Variants in SLC4A10 observed in about 807,000 individuals in gnomAD.
SLC4A10 encodes sodium-driven chloride bicarbonate exchanger.
SLC4A10 carries 42 observed loss-of-function variants against 137.7 expected under a neutral mutation model. That is an observed-to-expected ratio of 0.30 (90% CI 0.24 to 0.39). The LOEUF is 0.39. SLC4A10 is among the 10% of genes least tolerant of loss of function. SLC4A10 has a pLI of 1.00. For missense variants in SLC4A10, 925 were observed against 1,355.0 expected (o/e 0.68, Z 4.98); for synonymous variants, 474 against 464.1 (o/e 1.02, Z -0.27).
chr2:161,756,103 TA>T lies in SLC4A10; in HGVS notation c.49-14869del, dbSNP rs201936863. ...AGTTTTCAAAATGTCATTTTAAAAG[TA>T]TGCTGTACCATTTGATTGAATTTTG... On this transcript the variant is annotated intron_variant, in intron 1 of 26. Coordinates refer to ENST00000446997, the MANE Select transcript of SLC4A10 (RefSeq NM_001178015.2). Among the ~76,000 whole-genome samples, 48 of 152,296 alleles carry T rather than the reference TA, an allele frequency of 3.2e-4. 2 individuals are homozygous for T. The East Asian group carries it at 9.3e-3, about 29-fold the overall frequency.
intron 1 of SLC4A10, among the ~76,000 whole-genome samples, chr2:161,765,054 G>A (rs543431236): frequency 3.4e-4 from 51 of 152,198 alleles, no homozygotes; most frequent in Non-Finnish European, 6.5e-4. Context: ...ACTTGCAAGT[G>A]AAAACCTATT....
intron 1 of SLC4A10, among the ~76,000 whole-genome samples, chr2:161,755,633 C>T (rs755413573): frequency 2.0e-5 from 3 of 152,176 alleles, no homozygotes; most frequent in African/African-American, 7.2e-5. Flanking sequence ...TGATACTGAT[C>T]CTGTCTTTTA....
intron 10 of SLC4A10, among the ~76,000 whole-genome samples, chr2:161,888,305 AGTC>A (rs1055353967): frequency 3.0e-4 from 45 of 152,186 alleles, no homozygotes; most frequent in African/African-American, 1.0e-3. Flanking sequence ...TGAAATTTAA[AGTC>A]GTTTTTTCCA....
At chr2:161,650,308 G>T (rs1558944493) in intron 1 of SLC4A10, among the ~76,000 whole-genome samples, 6 of 152,238 alleles carry the variant, frequency 3.9e-5, no homozygotes. Flanking sequence ...CAAAGGTGAG[G>T]CGTCTTTTTT....
chr2:161,676,631 A>G (rs1437389946), intron 1 of SLC4A10, among the ~76,000 whole-genome samples: 2 of 152,170 alleles, frequency 1.3e-5, no homozygotes, highest in African/African-American at 2.4e-5. Context: ...ACTGGGTGTA[A>G]TTATTACAAA....
chr2:161,836,538 A>AAGAAAGAAAG (rs1559358986), intron 3 of SLC4A10, among the ~76,000 whole-genome samples: 2 of 10,550 alleles, frequency 1.9e-4, no homozygotes, highest in African/African-American at 3.5e-4. Flanking sequence ...GAGAGAAAGA[A>AAGAAAGAAAG]AGAAAGAAAG....
rs560241045 is a variant in SLC4A10, at chr2:161,855,416, G to T, written c.577+286G>T. On this transcript the variant is annotated intron_variant, in intron 5 of 26. Coordinates refer to ENST00000446997, the MANE Select transcript of SLC4A10 (RefSeq NM_001178015.2). ...TATCATATTTAGACTCTCACCATTA[G>T]AAAATTAAAGGAAAAAACCTTAGAG... is the stretch of plus-strand genomic sequence containing the variant. Among the ~76,000 whole-genome samples the T allele has an allele frequency of 3.0e-3, 450 of 151,774 alleles. 1 individual carries two copies. Among genetic ancestry groups the T allele is most frequent in the African/African-American group, 0.01 (429 of 41,400 alleles).
intron 10 of SLC4A10, among the ~76,000 whole-genome samples, chr2:161,892,258 A>G (rs1432846701): frequency 6.6e-6 from 1 of 152,056 alleles, no homozygotes; most frequent in Non-Finnish European, 1.5e-5. Context: ...ATTAAGAAAG[A>G]TTTCAAGAGA....
intron 1 of SLC4A10, among the ~76,000 whole-genome samples, chr2:161,675,996 G>A (rs1009361865): frequency 6.6e-6 from 1 of 151,966 alleles, no homozygotes; most frequent in Admixed American, 6.6e-5. Flanking sequence ...TTTAGTCAGC[G>A]GGGCTTGGAA....
At chr2:161,861,619 A>G (rs1261124208) in intron 5 of SLC4A10, among the ~76,000 whole-genome samples, 3 of 152,294 alleles carry the variant, frequency 2.0e-5, no homozygotes, top group South Asian at 2.1e-4. Flanking sequence ...AACCACCACA[A>G]ATTTCAAACC....
intron 3 of SLC4A10, among the ~76,000 whole-genome samples, chr2:161,822,561 A>G (rs983726042): frequency 1.3e-5 from 2 of 152,224 alleles, no homozygotes; most frequent in Non-Finnish European, 2.9e-5. Flanking sequence ...ATAACAGGCT[A>G]ATTAAAAATG....
At chr2:161,665,213 C>G (rs2038909304) in intron 1 of SLC4A10, among the ~76,000 whole-genome samples, 1 of 151,742 alleles carries the variant, frequency 6.6e-6, no homozygotes, top group Admixed American at 6.6e-5. Context: ...TAATCATGCA[C>G]TTTAACTTTT....
intron 4 of SLC4A10, among the ~76,000 whole-genome samples, chr2:161,852,277 T>C (rs764762360): frequency 8.5e-5 from 13 of 152,228 alleles, no homozygotes; most frequent in Non-Finnish European, 1.5e-4. Flanking sequence ...GACTAGAAAG[T>C]AAATTTCCAA....
intron 2 of SLC4A10, among the ~76,000 whole-genome samples, chr2:161,793,580 GA>G (rs1333677025): frequency 6.6e-6 from 1 of 152,042 alleles, no homozygotes; most frequent in Admixed American, 6.6e-5. Context: ...AAAGCATGGT[GA>G]AAAAATATCT....
chr2:161,719,918 T>A (rs890675313), intron 1 of SLC4A10, among the ~76,000 whole-genome samples: 2 of 152,232 alleles, frequency 1.3e-5, no homozygotes, highest in African/African-American at 4.8e-5. Context: ...ATTTGTCAAT[T>A]TTGGCTTTTG....
chr2:161,918,215 G>C (rs1243691512), intron 15 of SLC4A10, among the ~76,000 whole-genome samples: 1 of 152,138 alleles, frequency 6.6e-6, no homozygotes, highest in Admixed American at 6.5e-5. Flanking sequence ...GCGTGCAGCG[G>C]TGCAATCTCA....
At chr2:161,710,804 T>C (rs904681880) in intron 1 of SLC4A10, 1 of 440,836 alleles carries the variant, frequency 2.3e-6, no homozygotes, top group Admixed American at 2.4e-5. Context: ...GTAAACATAG[T>C]AAAGGCTGAG....
At chr2:161,874,747 A>G (rs140682348) in intron 8 of SLC4A10, among the ~76,000 whole-genome samples, 2,103 of 152,336 alleles carry the variant, frequency 0.014, 23 homozygotes, top group Non-Finnish European at 0.022. Flanking sequence ...GAGAAACAGC[A>G]TGAGATCTTG....
chr2:161,718,225 T>C (rs2045178704), intron 1 of SLC4A10, among the ~76,000 whole-genome samples: 1 of 152,154 alleles, frequency 6.6e-6, no homozygotes, highest in South Asian at 2.1e-4. Flanking sequence ...GCTATTTTAT[T>C]AATTTTTTAA....
Sources: allele counts gnomAD v4.1 joint callset (sites outside exome capture counted in the v4.1 genomes callset), GRCh38; gene constraint gnomAD v4.1.1; transcripts MANE v1.5; gene names NCBI Gene and HGNC (gene_info 2026-07-23, HGNC 2026-07-21).